PCDHA6: variants seen among roughly 807,000 people sequenced by gnomAD.
PCDHA6 encodes the protein protocadherin alpha 6.
PCDHA6 carries 55 observed loss-of-function variants against 60.3 expected under a neutral mutation model. The ratio of observed to expected loss-of-function variants is 0.91; its 90% CI spans 0.73 to 1.14. PCDHA6 has a LOEUF of 1.14. Among genes scored for constraint, PCDHA6 ranks in the 50% most tolerant of loss-of-function variants. The probability of loss-of-function intolerance (pLI) is 0.00; values close to 1 mark genes in which losing one functional copy is unlikely to be tolerated. For synonymous variants in PCDHA6, 652 were observed against 557.9 expected, an observed-to-expected ratio of 1.17 and a Z score of -2.38; for missense variants, 1,327 against 1,256.5, an observed-to-expected ratio of 1.06 and a Z score of -0.85.
intron 1 of PCDHA6, chr5:140,927,619 C>G: frequency 6.2e-7 from 1 of 1,614,170 alleles, no homozygotes; most frequent in Non-Finnish European, 8.5e-7. Flanking sequence ...CACCAAGGTT[C>G]CAGAGACTGC....
intron 1 of PCDHA6, among the ~76,000 whole-genome samples, chr5:140,855,428 G>A (rs1039152755): frequency 4.7e-5 from 7 of 149,940 alleles, no homozygotes; most frequent in African/African-American, 1.7e-4. Context: ...AAATTCTAGT[G>A]ATGACTAGAT....
At chr5:140,868,198 C>T (rs1220217511) in intron 1 of PCDHA6, 2 of 152,058 alleles carry the variant, frequency 1.3e-5, no homozygotes, top group East Asian at 1.9e-4. Context: ...CTATGGCTTA[C>T]ATTAGAAATA....
intron 1 of PCDHA6, chr5:140,966,708 C>G (rs1033433543): frequency 7.2e-7 from 1 of 1,384,746 alleles, no homozygotes; most frequent in Non-Finnish European, 9.3e-7. Context: ...GCGTGGGGCA[C>G]GGCTGGGGAA....
intron 1 of PCDHA6, among the ~76,000 whole-genome samples, chr5:140,914,439 T>G (rs1352001626): frequency 6.6e-6 from 1 of 152,192 alleles, no homozygotes; most frequent in Admixed American, 6.6e-5. Flanking sequence ...TCTTTTCCCA[T>G]GTCTTTATTT....
At chr5:140,901,452 A>G (rs1352830826) in intron 1 of PCDHA6, among the ~76,000 whole-genome samples, 1 of 152,120 alleles carries the variant, frequency 6.6e-6, no homozygotes, top group African/African-American at 2.4e-5. Flanking sequence ...TTCCCAGCAC[A>G]GACTGTCTTT....
At chr5:140,853,589 C>T (rs1053953271) in intron 1 of PCDHA6, 2 of 986,246 alleles carry the variant, frequency 2.0e-6, no homozygotes, top group Non-Finnish European at 1.2e-6. Context: ...ATCTTAGACA[C>T]TTTGAGAGCA....
At chr5:140,871,301 C>G in intron 1 of PCDHA6, 4 of 1,613,916 alleles carry the variant, frequency 2.5e-6, no homozygotes, top group Middle Eastern at 1.7e-4. Flanking sequence ...GCGTGCGCGC[C>G]GGGGAAGCCC....
Position 140,850,919 on chromosome 5 carries a change from T to C in PCDHA6, c.2394+20434T>C, listed in dbSNP as rs2150502156. 62 of 1,527,062 alleles carry C rather than the reference T, an allele frequency of 4.1e-5. 7 individuals are homozygous for C. The highest frequency in any genetic ancestry group is 4.8e-5 in the Non-Finnish European group (55 of 1,135,558). The allele number at this position is 1,527,062 out of a possible 1,614,324, so 94.6% of individuals were successfully genotyped here. ...GTTTTTCTAGCATTTTATTTATTTA[T>C]ATAATTTTTTTTCTTGAAAGATATT... On this transcript the variant is annotated intron_variant, in intron 1 of 3. Coordinates refer to ENST00000529310, the MANE Select transcript of PCDHA6 (RefSeq NM_018909.4).
At chr5:140,890,313 G>T (rs1191082730) in intron 1 of PCDHA6, among the ~76,000 whole-genome samples, 2 of 152,112 alleles carry the variant, frequency 1.3e-5, no homozygotes, top group South Asian at 2.1e-4. Context: ...ATATTAAGTT[G>T]TTTTAAGATA....
At chr5:140,878,577 G>A (rs1228813773) in intron 1 of PCDHA6, among the ~76,000 whole-genome samples, 2 of 152,122 alleles carry the variant, frequency 1.3e-5, no homozygotes, top group African/African-American at 2.4e-5. Context: ...GTATACCACT[G>A]CCCTGTGCCT....
intron 3 of PCDHA6, among the ~76,000 whole-genome samples, chr5:140,993,375 C>T (rs1238667698): frequency 1.3e-5 from 2 of 151,770 alleles, no homozygotes; most frequent in Non-Finnish European, 2.9e-5. Flanking sequence ...ACCTCCCAGC[C>T]GGGTCCCTGA....
chr5:140,931,279 C>T (rs73793526), intron 1 of PCDHA6, among the ~76,000 whole-genome samples: 2,016 of 152,088 alleles, frequency 0.013, 37 homozygotes, highest in African/African-American at 0.046. Context: ...CTTTTATTTT[C>T]ATTGCTTTCT....
chr5:140,887,497 A>G (rs981649331), intron 1 of PCDHA6, among the ~76,000 whole-genome samples: 1 of 152,150 alleles, frequency 6.6e-6, no homozygotes, highest in Admixed American at 6.5e-5. Context: ...ATAGTTTCTA[A>G]TAAGATGTTT....
At chr5:140,947,734 C>T (rs2094167568) in intron 1 of PCDHA6, among the ~76,000 whole-genome samples, 1 of 151,286 alleles carries the variant, frequency 6.6e-6, no homozygotes, top group African/African-American at 2.4e-5. Flanking sequence ...TTTTGTAATA[C>T]CTATTCTTAT....
rs1219444085 is a variant in PCDHA6 at position 141,010,861 on chromosome 5, A to G, written c.*924A>G. On this transcript the variant is annotated 3_prime_UTR_variant, in exon 4 of 4. Coordinates refer to ENST00000529310, the MANE Select transcript of PCDHA6 (RefSeq NM_018909.4). ...ATTTATTTAAAAAAAGAGAAAGTCTATAGCTATAAATCTTTAAAGAGAAAT... is the reference window on the plus strand; with the variant it reads ...ATTTATTTAAAAAAAGAGAAAGTCTGTAGCTATAAATCTTTAAAGAGAAAT... 9.1e-5 allele frequency: 14 copies of G among 153,794 alleles called. No individual in the cohort carries two copies. Among genetic ancestry groups the G allele is most frequent in the African/African-American group, 3.1e-4 (13 of 41,468 alleles). 9.5% of individuals were successfully genotyped at this position (153,794 alleles called of 1,614,324 possible).
intron 1 of PCDHA6, chr5:140,966,476 C>T (rs1326063829): frequency 1.8e-5 from 8 of 432,854 alleles, no homozygotes; most frequent in Non-Finnish European, 2.8e-5. Flanking sequence ...CTTCTGTTTC[C>T]TTTTCCCTCC....
rs571215806 is a variant in PCDHA6, at chr5:140,940,454, G to T, written c.2395-38495G>T. Among the ~76,000 whole-genome samples, 18 of 151,694 alleles carry T rather than the reference G, an allele frequency of 1.2e-4. No homozygotes were observed. The East Asian group carries it at 3.3e-3, about 28-fold the overall frequency. On this transcript the variant is annotated intron_variant, in intron 1 of 3. Coordinates refer to ENST00000529310, the MANE Select transcript of PCDHA6 (RefSeq NM_018909.4). ...AAGTCTGCCATGATATTTTTTATAGGTTTCTGTTCCCTGCAATTTTTTTTT... is the reference window on the plus strand; with the variant it reads ...AAGTCTGCCATGATATTTTTTATAGTTTTCTGTTCCCTGCAATTTTTTTTT...
chr5:140,946,163 T>C (rs1345991689), intron 1 of PCDHA6, among the ~76,000 whole-genome samples: 1 of 151,884 alleles, frequency 6.6e-6, no homozygotes, highest in African/African-American at 2.4e-5. Flanking sequence ...ATTTAAAAGA[T>C]GGGTAAAGGA....
intron 1 of PCDHA6, chr5:140,876,605 A>T (rs1582292779): frequency 6.2e-7 from 1 of 1,614,060 alleles, no homozygotes; most frequent in South Asian, 1.1e-5. Context: ...TCGGATCGTG[A>T]CTCTGGAGCC....
Sources: gnomAD v4.1 joint callset for allele counts (sites outside exome capture counted in the v4.1 genomes callset) on GRCh38, gnomAD v4.1.1 for gene constraint, MANE v1.5 for transcripts, NCBI Gene and HGNC (gene_info 2026-07-23, HGNC 2026-07-21) for gene names.